The following PPP2R3A variants were observed in gnomAD, a reference collection of about 807,000 sequenced individuals.
The protein encoded by PPP2R3A is protein phosphatase 2 regulatory subunit B''alpha, also known as serine/threonine-protein phosphatase 2A regulatory subunit B'' subunit alpha.
Under a neutral mutation model 106.9 loss-of-function variants are expected in PPP2R3A, and 80 were observed. The ratio of observed to expected loss-of-function variants is 0.75; its 90% CI spans 0.62 to 0.90. The LOEUF is 0.90. Among genes scored for constraint, PPP2R3A ranks in the 40% least tolerant of loss-of-function variants. The pLI is 0.00. For missense variants in PPP2R3A, 1,386 were observed against 1,350.4 expected (o/e 1.03, Z -0.41); for synonymous variants, 483 against 468.3 (o/e 1.03, Z -0.41).
chr3:136,109,414 A>G (rs953898898), intron 13 of PPP2R3A, among the ~76,000 whole-genome samples: 4 of 152,184 alleles, frequency 2.6e-5, no homozygotes, highest in African/African-American at 4.8e-5. Context: ...AAAAAGATTC[A>G]ATTATTGAAT....
At chr3:136,083,276 TGTGGCAGGGACCTG>T (rs1265934713) in intron 8 of PPP2R3A, among the ~76,000 whole-genome samples, 1 of 152,216 alleles carries the variant, frequency 6.6e-6, no homozygotes, top group Non-Finnish European at 1.5e-5. Context: ...CCCCACCTGT[TGTGGCAGGGACCTG>T]GTGGCAGGTA....
chr3:136,021,522 CTT>C (rs922883892), intron 2 of PPP2R3A, among the ~76,000 whole-genome samples: 2 of 152,010 alleles, frequency 1.3e-5, no homozygotes, highest in African/African-American at 4.8e-5. Flanking sequence ...AAAAAGCAGA[CTT>C]AAATTTGTAG....
At chr3:136,041,986 T>C (rs1167981219) in intron 4 of PPP2R3A, among the ~76,000 whole-genome samples, 1 of 152,226 alleles carries the variant, frequency 6.6e-6, no homozygotes, top group Non-Finnish European at 1.5e-5. Flanking sequence ...CATGTTCTTC[T>C]CGCCTTTTCT....
intron 13 of PPP2R3A, among the ~76,000 whole-genome samples, chr3:136,129,918 C>T (rs533447406): frequency 3.7e-4 from 56 of 152,182 alleles, no homozygotes; most frequent in Non-Finnish European, 5.9e-4. Flanking sequence ...AAAAACCACA[C>T]GATTATCTCA....
chr3:136,000,081 T>C (rs1933562581), intron 1 of PPP2R3A, among the ~76,000 whole-genome samples: 1 of 152,190 alleles, frequency 6.6e-6, no homozygotes, highest in Admixed American at 6.5e-5. Flanking sequence ...GCCTCCTTCC[T>C]CTAGTCTTTC....
intron 4 of PPP2R3A, among the ~76,000 whole-genome samples, chr3:136,044,108 T>A (rs1460263853): frequency 6.6e-6 from 1 of 152,170 alleles, no homozygotes; most frequent in Non-Finnish European, 1.5e-5. Flanking sequence ...TCCCACCCAT[T>A]TTCTAATCCT....
intron 9 of PPP2R3A, among the ~76,000 whole-genome samples, chr3:136,089,666 A>G (rs1184011250): frequency 2.0e-5 from 3 of 151,700 alleles, no homozygotes; most frequent in African/African-American, 7.3e-5. Context: ...TAATAAGAAT[A>G]ACATTGAATC....
At chr3:136,055,622 C>T (rs1043335978) in intron 5 of PPP2R3A, 12 of 1,368,714 alleles carry the variant, frequency 8.8e-6, no homozygotes, top group Non-Finnish European at 1.2e-5. Context: ...GTATTTAACA[C>T]CTGCCTGCCA....
intron 4 of PPP2R3A, among the ~76,000 whole-genome samples, chr3:136,046,790 T>C (rs963787386): frequency 3.3e-5 from 5 of 152,356 alleles, no homozygotes; most frequent in African/African-American, 1.2e-4. Flanking sequence ...ATTCAGAATC[T>C]GGATGGTAAG....
intron 2 of PPP2R3A, among the ~76,000 whole-genome samples, chr3:136,020,158 A>G (rs1934416355): frequency 6.6e-6 from 1 of 152,130 alleles, no homozygotes; most frequent in Non-Finnish European, 1.5e-5. Context: ...GAGTTTAGAC[A>G]CTACTGGAAA....
At chr3:136,136,095 A>T (rs113802638) in intron 13 of PPP2R3A, among the ~76,000 whole-genome samples, 8,483 of 132,508 alleles carry the variant, frequency 0.064, 739 homozygotes, top group African/African-American at 0.17. Context: ...TATATATATA[A>T]AAAACATCAT....
chr3:136,016,602 G>A (rs1934277305), intron 2 of PPP2R3A, among the ~76,000 whole-genome samples: 1 of 152,018 alleles, frequency 6.6e-6, no homozygotes, highest in Admixed American at 6.6e-5. Flanking sequence ...TCGCTTTAAA[G>A]TCTGTTTTAT....
intron 13 of PPP2R3A, among the ~76,000 whole-genome samples, chr3:136,115,581 G>C (rs546085569): frequency 6.6e-6 from 1 of 151,756 alleles, no homozygotes; most frequent in Non-Finnish European, 1.5e-5. Flanking sequence ...GAAACACACA[G>C]CACAAGAACC....
At chr3:136,076,689 C>G (rs1484463822) in intron 6 of PPP2R3A, among the ~76,000 whole-genome samples, 1 of 152,180 alleles carries the variant, frequency 6.6e-6, no homozygotes, top group African/African-American at 2.4e-5. Context: ...TGGCTCACGC[C>G]TGTAATCCCA....
chr3:136,020,580 G>T (rs1321392773), intron 2 of PPP2R3A, among the ~76,000 whole-genome samples: 6 of 139,922 alleles, frequency 4.3e-5, no homozygotes, highest in South Asian at 2.3e-4. Flanking sequence ...TAAAACTTAG[G>T]GTTTTTTTTT....
chr3:136,117,492 A>G (rs910059947), intron 13 of PPP2R3A, among the ~76,000 whole-genome samples: 3 of 152,040 alleles, frequency 2.0e-5, no homozygotes, highest in Non-Finnish European at 4.4e-5. Context: ...CCAGACTAAT[A>G]AAGAAGAAAA....
intron 1 of PPP2R3A, among the ~76,000 whole-genome samples, chr3:135,992,409 T>C (rs1933207458): frequency 1.3e-5 from 2 of 152,206 alleles, no homozygotes; most frequent in South Asian, 2.1e-4. Flanking sequence ...GTCTTTTCTT[T>C]ATGATTGATG....
Position 136,012,607 on chromosome 3 carries a change from G to GA in PPP2R3A, c.1995+9124dup, listed in dbSNP as rs775732204. Among the ~76,000 whole-genome samples the GA allele has an allele frequency of 5.5e-3, 798 of 144,384 alleles. 10 individuals are homozygous for GA. The highest frequency in any genetic ancestry group is 0.017 in the African/African-American group (674 of 39,542). The allele number at this position is 144,384 out of a possible 152,430, so 94.7% of individuals were successfully genotyped here. On this transcript the variant is annotated intron_variant, in intron 2 of 13. Transcript: ENST00000264977. ...CACCAGTGTTTCATTATTTAAGAGT[G>GA]AAAAAAAAAATAGTAACACAGAACA...
Position 136,002,497 on chromosome 3 carries a change from A to G in PPP2R3A, c.999A>G (p.Lys333=). The change falls in exon 2 of 14, where the codon AAA becomes AAG. Residue 333 remains lysine, a synonymous_variant. Transcript: ENST00000264977. ...TGTTTGGCACTGAACAACCCCCTAA[A>G]TATGAAGATGTTGTCCAGCTCTCAG... ...SPVFGTEQPP[K]YEDVVQLSAS... The G allele has an allele frequency of 1.9e-6, 3 of 1,614,074 alleles. No individual in the cohort carries two copies. In the South Asian group the frequency reaches 3.3e-5, roughly 18 times the overall value.
Sources: gnomAD v4.1 joint callset for allele counts (sites outside exome capture counted in the v4.1 genomes callset) on GRCh38, gnomAD v4.1.1 for gene constraint, MANE v1.5 for transcripts, NCBI Gene and HGNC (gene_info 2026-07-23, HGNC 2026-07-21) for gene names.